The following SORCS1 variants were observed in gnomAD, a reference collection of about 807,000 sequenced individuals.
SORCS1 encodes VPS10 domain-containing receptor SorCS1.
A neutral mutation model predicts 146.1 loss-of-function variants in SORCS1; 60 were observed. The observed-to-expected ratio is 0.41, with a 90% confidence interval of 0.33 to 0.51. The LOEUF is 0.51. Among genes scored for constraint, SORCS1 ranks in the 20% least tolerant of loss-of-function variants. The probability of loss-of-function intolerance (pLI) is 0.21; values close to 1 mark genes in which losing one functional copy is unlikely to be tolerated. For synonymous variants in SORCS1, 637 were observed against 584.0 expected (o/e 1.09, Z -1.31); for missense variants, 1,352 against 1,487.6 (o/e 0.91, Z 1.50).
intron 1 of SORCS1, among the ~76,000 whole-genome samples, chr10:107,096,031 T>C (rs1182459276): frequency 6.6e-6 from 1 of 152,210 alleles, no homozygotes; most frequent in Admixed American, 6.5e-5. Flanking sequence ...ACCCTCACTG[T>C]TTATTCCCCA....
At position 106,926,190 on chromosome 10, in the gene SORCS1, T is replaced by C. The variant is rs575938181; in HGVS notation, c.626+30323A>G. ...TTTATCACAGCATTCTTTGTGGTAA[T>C]GAAAGAATAGAAATGACCTAAATGA... On this transcript the variant is annotated intron_variant, in intron 2 of 25. Coordinates refer to ENST00000263054, the MANE Select transcript of SORCS1 (RefSeq NM_052918.5). Among the ~76,000 whole-genome samples the C allele has an allele frequency of 9.3e-4, 142 of 152,270 alleles. 2 individuals are homozygous for C. Among genetic ancestry groups the C allele is most frequent in the African/African-American group, 3.3e-3 (138 of 41,556 alleles).
At chr10:106,580,158 T>G (rs1392968056) in intron 24 of SORCS1, among the ~76,000 whole-genome samples, 1 of 152,154 alleles carries the variant, frequency 6.6e-6, no homozygotes, top group Admixed American at 6.5e-5. Flanking sequence ...TGCTTGTATT[T>G]TTGTACACAG....
chr10:106,883,224 A>G (rs1165444413), intron 2 of SORCS1, among the ~76,000 whole-genome samples: 1 of 152,208 alleles, frequency 6.6e-6, no homozygotes, highest in African/African-American at 2.4e-5. Flanking sequence ...AGCATGTTAT[A>G]GGCCTTCAAA....
intron 3 of SORCS1, among the ~76,000 whole-genome samples, chr10:106,806,495 G>C (rs1947184963): frequency 6.8e-6 from 1 of 148,022 alleles, no homozygotes; most frequent in Non-Finnish European, 1.5e-5. Flanking sequence ...CTTCTGATGA[G>C]AGAGGAAGCC....
At chr10:107,156,700 C>T (rs991394657) in intron 1 of SORCS1, among the ~76,000 whole-genome samples, 1 of 152,180 alleles carries the variant, frequency 6.6e-6, no homozygotes, top group Non-Finnish European at 1.5e-5. Context: ...TACTGCTGCT[C>T]CAAAATGTTG....
chr10:106,583,858 G>A (rs765668190), intron 24 of SORCS1, among the ~76,000 whole-genome samples: 1 of 151,974 alleles, frequency 6.6e-6, no homozygotes, highest in African/African-American at 2.4e-5. Context: ...AAGTTTTAAG[G>A]TCAATAACAT....
intron 1 of SORCS1, among the ~76,000 whole-genome samples, chr10:107,003,474 A>G (rs112447114): frequency 3.0e-3 from 397 of 134,022 alleles, no homozygotes; most frequent in South Asian, 0.011. Context: ...GTGTGTGTGT[A>G]GTAATCCACA....
At chr10:106,927,963 A>G (rs11193116) in intron 2 of SORCS1, among the ~76,000 whole-genome samples, 83,548 of 152,100 alleles carry the variant, frequency 0.55, 24,008 homozygotes, top group Non-Finnish European at 0.63. Context: ...ACAGAGTGCC[A>G]ATTGGTGTAT....
chr10:106,762,787 A>G (rs1859236671), intron 4 of SORCS1, among the ~76,000 whole-genome samples: 1 of 151,986 alleles, frequency 6.6e-6, no homozygotes, highest in Non-Finnish European at 1.5e-5. Context: ...CCAAGGAGAG[A>G]TGGGTGACAA....
chr10:107,038,660 AG>A (rs1415440307), intron 1 of SORCS1, among the ~76,000 whole-genome samples: 1 of 148,556 alleles, frequency 6.7e-6, no homozygotes, highest in Non-Finnish European at 1.5e-5. Flanking sequence ...TAAAGAGGAA[AG>A]TAGACACTGC....
At chr10:107,037,193 C>T (rs1958940857) in intron 1 of SORCS1, among the ~76,000 whole-genome samples, 1 of 152,184 alleles carries the variant, frequency 6.6e-6, no homozygotes, top group Non-Finnish European at 1.5e-5. Context: ...TTGTAGTGAG[C>T]TGAGATTGCG....
At chr10:106,907,789 T>A (rs1222136887) in intron 2 of SORCS1, among the ~76,000 whole-genome samples, 1 of 151,694 alleles carries the variant, frequency 6.6e-6, no homozygotes, top group Non-Finnish European at 1.5e-5. Context: ...TAGCCAGGCA[T>A]GGTGGTGCGC....
intron 2 of SORCS1, among the ~76,000 whole-genome samples, chr10:106,947,598 C>G (rs923552029): frequency 6.6e-6 from 1 of 152,174 alleles, no homozygotes; most frequent in Admixed American, 6.5e-5. Flanking sequence ...AATCCCAGCA[C>G]TTTGGGAGGC....
intron 18 of SORCS1, among the ~76,000 whole-genome samples, chr10:106,645,616 C>T (rs1849369062): frequency 6.6e-6 from 1 of 152,048 alleles, no homozygotes; most frequent in African/African-American, 2.4e-5. Flanking sequence ...TTTGGTTATT[C>T]TGAGTCATTT....
At chr10:106,898,279 T>A (rs1347635405) in intron 2 of SORCS1, among the ~76,000 whole-genome samples, 1 of 152,214 alleles carries the variant, frequency 6.6e-6, no homozygotes, top group Non-Finnish European at 1.5e-5. Context: ...TGCCCAATGA[T>A]GTCCTAAAAA....
chr10:107,173,413 G>A, the SORCS1 span, among the ~76,000 whole-genome samples: 1 of 152,226 alleles, frequency 6.6e-6, no homozygotes, highest in East Asian at 1.9e-4. Flanking sequence ...GGAAGGAGGA[G>A]TAACCATGTG....
intron 1 of SORCS1, among the ~76,000 whole-genome samples, chr10:107,063,522 G>A (rs757073218): frequency 6.6e-6 from 1 of 152,074 alleles, no homozygotes; most frequent in Non-Finnish European, 1.5e-5. Flanking sequence ...CAATTCTCAA[G>A]CACTAGGATG....
chr10:106,636,886 G>A (rs1848757831), intron 18 of SORCS1, among the ~76,000 whole-genome samples: 2 of 152,176 alleles, frequency 1.3e-5, no homozygotes, highest in African/African-American at 4.8e-5. Context: ...CTACTCTGTG[G>A]TGCTCATTCC....
In SORCS1 at chr10:107,060,322, A is replaced by G. The variant is rs371704751; in HGVS notation, c.558+103647T>C. 6.6e-6 allele frequency among the ~76,000 whole-genome samples: 1 copy of G among 152,228 alleles called. No homozygotes were observed. The highest frequency in any genetic ancestry group is 1.5e-5 in the Non-Finnish European group (1 of 68,040). Reference sequence around the variant, plus strand: ...CCCTCATCTGTAAAAGTGGGGTACTAGTACTGAGGAGGGTTCTTGCGAGAT... The same window carrying G: ...CCCTCATCTGTAAAAGTGGGGTACTGGTACTGAGGAGGGTTCTTGCGAGAT... On this transcript the variant is annotated intron_variant, in intron 1 of 25. Transcript: ENST00000263054. The surrounding 1 kb of genome is among the most constrained non-coding windows in gnomAD (Gnocchi z 4.1).
Sources: allele counts gnomAD v4.1 joint callset (sites outside exome capture counted in the v4.1 genomes callset), GRCh38; gene constraint gnomAD v4.1.1; non-coding constraint Gnocchi (gnomAD v3.1); transcripts MANE v1.5; gene names NCBI Gene and HGNC (gene_info 2026-07-23, HGNC 2026-07-21).